The following SLC29A4 variants were observed in gnomAD, a reference collection of about 807,000 sequenced individuals.
SLC29A4 encodes solute carrier family 29 member 4, also known as equilibrative nucleoside transporter 4.
SLC29A4 carries 36 observed loss-of-function variants against 43.9 expected under a neutral mutation model. The observed-to-expected ratio is 0.82, with a 90% CI of 0.63 to 1.08. SLC29A4 has a LOEUF of 1.08. Among genes scored for constraint, SLC29A4 ranks in the 50% least tolerant of loss-of-function variants. SLC29A4 has a pLI of 0.00. For synonymous variants in SLC29A4, 491 were observed against 338.0 expected (o/e 1.45, Z -4.97); for missense variants, 869 against 755.3 (o/e 1.15, Z -1.77).
In SLC29A4 at chr7:5,303,260, A is replaced by G; in HGVS notation, c.*321A>G. Reference sequence around the variant, plus strand: ...GCCAGCACTCTGCAGGGTCACACGCACCGTGTCCCCACCCAGGACAGCAGA... The same window carrying G: ...GCCAGCACTCTGCAGGGTCACACGCGCCGTGTCCCCACCCAGGACAGCAGA... On this transcript the variant is annotated 3_prime_UTR_variant, in exon 11 of 11. Transcript: ENST00000396872. 2.3e-6 allele frequency: 1 copy of G among 431,134 alleles called. No individual in the cohort carries two copies. The highest frequency in any genetic ancestry group is 4.8e-5 in the East Asian group (1 of 20,928). 26.7% of individuals were successfully genotyped at this position (431,134 alleles called of 1,614,324 possible). A position where few individuals can be genotyped will look rare whatever the true frequency, so the allele number is the denominator to read the frequency against.
chr7:5,283,787 C>T (rs1784798783), intron 1 of SLC29A4, among the ~76,000 whole-genome samples: 1 of 152,208 alleles, frequency 6.6e-6, no homozygotes, highest in Non-Finnish European at 1.5e-5. Flanking sequence ...TACCAGGCAT[C>T]AACTAACCAG....
intron 2 of SLC29A4, among the ~76,000 whole-genome samples, chr7:5,288,883 A>C (rs10081393): frequency 0.11 from 16,270 of 152,016 alleles, 1,039 homozygotes; most frequent in African/African-American, 0.18. Flanking sequence ...GTTCAAGCCT[A>C]CCTCCCATCC....
chr7:5,293,422 A>C (rs1037417107), intron 5 of SLC29A4, among the ~76,000 whole-genome samples: 1 of 151,990 alleles, frequency 6.6e-6, no homozygotes, highest in African/African-American at 2.4e-5. Context: ...TGCCTGCCTC[A>C]GCCTCCCAAA....
intron 7 of SLC29A4, among the ~76,000 whole-genome samples, chr7:5,297,791 C>T (rs557427622): frequency 4.6e-5 from 7 of 152,260 alleles, no homozygotes; most frequent in South Asian, 4.1e-4. Flanking sequence ...TGGGGATAGG[C>T]GGAGAGGGAG....
At chr7:5,300,394 G>T in intron 9 of SLC29A4, 28 bp from the exon 10 acceptor site, 7 of 1,610,010 alleles carry the variant, frequency 4.3e-6, no homozygotes, top group Non-Finnish European at 5.9e-6. Context: ...GGCCGGGACA[G>T]GGCGCCCACT....
chr7:5,289,253 C>T (rs1445840648), intron 2 of SLC29A4, among the ~76,000 whole-genome samples: 3 of 151,940 alleles, frequency 2.0e-5, no homozygotes, highest in East Asian at 1.9e-4. Context: ...AAAAATTAGC[C>T]GGGTGTGGTG....
At chr7:5,295,224 G>C (rs900010202) in intron 6 of SLC29A4, among the ~76,000 whole-genome samples, 1 of 151,716 alleles carries the variant, frequency 6.6e-6, no homozygotes, top group African/African-American at 2.4e-5. Flanking sequence ...CATGTGGCTG[G>C]GTGTGTGTTT....
chr7:5,287,665 C>T (rs183927072), intron 1 of SLC29A4, 144 bp from the exon 2 acceptor site: 16 of 763,670 alleles, frequency 2.1e-5, no homozygotes, highest in Middle Eastern at 3.9e-4. Flanking sequence ...GGCTCCTTTG[C>T]AGTGAGGCAT....
chr7:5,289,671 A>G (rs1583653703), intron 2 of SLC29A4, among the ~76,000 whole-genome samples: 1 of 152,110 alleles, frequency 6.6e-6, no homozygotes, highest in Non-Finnish European at 1.5e-5. Context: ...CAGCTTGTCA[A>G]GGTGACCATA....
rs1786378936 is a variant in SLC29A4, at chr7:5,304,377, G to A, written c.*1438G>A. On this transcript the variant is annotated 3_prime_UTR_variant, in exon 11 of 11. Transcript: ENST00000396872. ...TTTGAAGGGGAAACAAAGTGGGCGG[G>A]GCTTGGCCCCTGCCCCTCAGGGACT... is the stretch of plus-strand genomic sequence containing the variant. 1 of 152,038 alleles carries A rather than the reference G, an allele frequency of 6.6e-6. No homozygotes were observed. The highest frequency in any genetic ancestry group is 2.1e-4 in the South Asian group (1 of 4,826). 9.4% of individuals were successfully genotyped at this position (152,038 alleles called of 1,614,324 possible).
chr7:5,292,791 C>T (rs1358606307), intron 5 of SLC29A4, among the ~76,000 whole-genome samples: 19 of 148,838 alleles, frequency 1.3e-4, no homozygotes, highest in African/African-American at 3.2e-4. Context: ...CTCCGCCTCC[C>T]GGGTTCAAGT....
chr7:5,295,285 G>A (rs943651899), intron 6 of SLC29A4, among the ~76,000 whole-genome samples: 2 of 152,148 alleles, frequency 1.3e-5, no homozygotes, highest in Admixed American at 6.5e-5. Context: ...GTCCATGGCC[G>A]TGATGTCATG....
chr7:5,287,746 G>A, intron 1 of SLC29A4, 63 bp from the exon 2 acceptor site: 3 of 1,530,126 alleles, frequency 2.0e-6, no homozygotes, highest in Non-Finnish European at 2.7e-6. Context: ...ATGGGTCAGT[G>A]CATGAGCCAT....
intron 1 of SLC29A4, among the ~76,000 whole-genome samples, chr7:5,285,305 G>A (rs1784879767): frequency 6.7e-6 from 1 of 150,204 alleles, no homozygotes; most frequent in African/African-American, 2.4e-5. Context: ...TGGCAGGACG[G>A]CCAGGGCTGA....
Position 5,299,072 on chromosome 7 carries a change from A to T in SLC29A4, c.967A>T (p.Met323Leu). The T allele has an allele frequency of 6.2e-7, 1 of 1,610,888 alleles. No individual in the cohort carries two copies. The highest frequency in any genetic ancestry group is 2.2e-5 in the East Asian group (1 of 44,796). The change falls in exon 8 of 11, where the codon ATG (methionine) becomes TTG (leucine). Residue 323 changes from methionine to leucine, a missense_variant. Coordinates refer to ENST00000396872, the MANE Select transcript of SLC29A4 (RefSeq NM_153247.4). ...GGTGACCGGCAGCGGCGGGGCCTAC[A>T]TGCGCTTTGATGTGCCGCGGCCAAG... Reference protein sequence around the residue: ...HEVTGSGGAYMRFDVPRPRVQ... With the variant: ...HEVTGSGGAYLRFDVPRPRVQ...
At chr7:5,289,179 T>A (rs1785153122) in intron 2 of SLC29A4, among the ~76,000 whole-genome samples, 1 of 152,092 alleles carries the variant, frequency 6.6e-6, no homozygotes, top group Admixed American at 6.6e-5. Context: ...GGAGGAACAC[T>A]TGAGCCCAGG....
chr7:5,300,025 C>T (rs562142578), intron 9 of SLC29A4, among the ~76,000 whole-genome samples: 4 of 152,054 alleles, frequency 2.6e-5, no homozygotes, highest in Admixed American at 6.6e-5. Flanking sequence ...GCACTCCAGC[C>T]TGGGTGACAG....
At chr7:5,289,217 C>T (rs193250594) in intron 2 of SLC29A4, among the ~76,000 whole-genome samples, 3 of 151,756 alleles carry the variant, frequency 2.0e-5, no homozygotes, top group Non-Finnish European at 4.4e-5. Context: ...AACAACCTGG[C>T]AAAATCTCGT....
At position 5,304,306 on chromosome 7, in the gene SLC29A4, C is replaced by CCA. The variant is rs1005524072; in HGVS notation, c.*1368_*1369insAC. On this transcript the variant is annotated 3_prime_UTR_variant, in exon 11 of 11. Transcript: ENST00000396872. ...GTCGCTCACCTTGACCGCCCGCCCC[C>CCA]CCCACCCCTTCGTGAGGATCAGGGA... is the stretch of plus-strand genomic sequence containing the variant. 1.3e-5 allele frequency: 2 copies of CCA among 149,472 alleles called. No homozygotes were observed. The highest frequency in any genetic ancestry group is 3.0e-5 in the Non-Finnish European group (2 of 67,000). The allele number at this position is 149,472 out of a possible 1,614,324, so 9.3% of individuals were successfully genotyped here. A position where few individuals can be genotyped will look rare whatever the true frequency, so the allele number is the denominator to read the frequency against.
Sources: gnomAD v4.1 joint callset for allele counts (sites outside exome capture counted in the v4.1 genomes callset) on GRCh38, gnomAD v4.1.1 for gene constraint, MANE v1.5 for transcripts, NCBI Gene and HGNC (gene_info 2026-07-23, HGNC 2026-07-21) for gene names.